The following HAUS2 variants were observed in gnomAD, a reference collection of about 807,000 sequenced individuals.
The protein encoded by HAUS2 is HAUS augmin-like complex subunit 2.
A neutral mutation model predicts 21.6 loss-of-function variants in HAUS2; 20 were observed. The ratio of observed to expected loss-of-function variants is 0.93; its 90% CI spans 0.65 to 1.35. The LOEUF is 1.35. HAUS2 is among the 40% of genes most tolerant of loss of function. The probability of loss-of-function intolerance (pLI) is 0.00; values close to 1 mark genes in which losing one functional copy is unlikely to be tolerated. For missense variants in HAUS2, 297 were observed against 280.7 expected (o/e 1.06, Z -0.42); for synonymous variants, 113 against 95.6 (o/e 1.18, Z -1.06).
Position 42,566,953 on chromosome 15 carries a change from G to T in HAUS2, c.*137G>T. 1 of 528,226 alleles carries T rather than the reference G, an allele frequency of 1.9e-6. No individual in the cohort carries two copies. Among genetic ancestry groups the T allele is most frequent in the Non-Finnish European group, 3.3e-6 (1 of 299,002 alleles). The allele number at this position is 528,226 out of a possible 1,614,324, so 32.7% of individuals were successfully genotyped here. On this transcript the variant is annotated 3_prime_UTR_variant, in exon 6 of 6. Transcript: ENST00000260372. ...TTTATATTGGAGTATCAAGATCTCA[G>T]GTTCATTAAGACCAAACTGACTTTT...
At chr15:42,558,024 G>T (rs547456400) in intron 1 of HAUS2, among the ~76,000 whole-genome samples, 174 bp from the exon 2 acceptor site, 3 of 151,860 alleles carry the variant, frequency 2.0e-5, no homozygotes, top group Non-Finnish European at 4.4e-5. Flanking sequence ...ATTTGTGATG[G>T]TGAAGGTTCT....
At chr15:42,557,612 A>G (rs905409911) in intron 1 of HAUS2, among the ~76,000 whole-genome samples, 1 of 150,720 alleles carries the variant, frequency 6.6e-6, no homozygotes, top group African/African-American at 2.4e-5. Context: ...ATAATACTCA[A>G]TTCTGAGATA....
At position 42,566,702 on chromosome 15, in the gene HAUS2, G is replaced by T. The variant is rs377486127; in HGVS notation, c.594G>T (p.Ser198=). Residue 198 remains serine (S), a synonymous_variant, in exon 6 of 6, where the codon TCG becomes TCT. Transcript: ENST00000260372. The part of the protein sequence containing the change: ...LKWRKQQNEV[S]SCIPKILAEE... ...GGCGTAAACAACAAAACGAAGTTTC[G>T]TCTTGTATCCCCAAAATATTAGCTG... The T allele has an allele frequency of 6.3e-7, 1 of 1,588,256 alleles. No homozygotes were observed. Among genetic ancestry groups the T allele is most frequent in the Non-Finnish European group, 8.6e-7 (1 of 1,156,614 alleles).
At chr15:42,558,784 C>T (rs541045307) in intron 2 of HAUS2, among the ~76,000 whole-genome samples, 51 of 151,910 alleles carry the variant, frequency 3.4e-4, no homozygotes, top group Non-Finnish European at 5.4e-4. Context: ...ACAGGGAGAT[C>T]CCGTCTCTAC....
chr15:42,553,873 A>T (rs2057748377), intron 1 of HAUS2, among the ~76,000 whole-genome samples: 11 of 152,232 alleles, frequency 7.2e-5, no homozygotes, highest in Admixed American at 7.2e-4. Context: ...AAAAAGGGTC[A>T]GCTGATATGA....
At chr15:42,550,629 C>G (rs1416879695) in intron 1 of HAUS2, among the ~76,000 whole-genome samples, 1 of 152,112 alleles carries the variant, frequency 6.6e-6, no homozygotes, top group African/African-American at 2.4e-5. Flanking sequence ...CAGGAGTGAC[C>G]ACAGCACTCT....
In HAUS2 at chr15:42,558,287, C is replaced by A; in HGVS notation, c.183C>A (p.Tyr61Ter). Residue 61 changes from tyrosine (Y) to a stop codon, truncating the protein, a stop_gained, in exon 2 of 6, where the codon TAC (tyrosine) becomes TAA (stop). Transcript: ENST00000260372. LOFTEE classifies it high-confidence loss of function. Reference sequence around the variant, plus strand: ...TCACAAATATTCAAGCTGAAATCTACCAGGTAAATCATTTTGTTTTCACTT... The same window carrying A: ...TCACAAATATTCAAGCTGAAATCTAACAGGTAAATCATTTTGTTTTCACTT... ...QQITNIQAEI[Y>*]QKNLEIELLK... is the part of the protein sequence containing the mutation. 1.8e-6 allele frequency: 2 copies of A among 1,121,310 alleles called. No homozygotes were observed. The highest frequency in any genetic ancestry group is 2.6e-6 in the Non-Finnish European group (2 of 757,770). 69.5% of individuals were successfully genotyped at this position (1,121,310 alleles called of 1,614,324 possible). A position where few individuals can be genotyped will look rare whatever the true frequency, so the allele number is the denominator to read the frequency against.
intron 5 of HAUS2, among the ~76,000 whole-genome samples, chr15:42,565,543 G>A (rs536401549): frequency 1.3e-5 from 2 of 152,190 alleles, no homozygotes; most frequent in African/African-American, 4.8e-5. Context: ...AGTATGGGCA[G>A]AGAGTATCAA....
intron 3 of HAUS2, 106 bp downstream of exon 3, chr15:42,559,514 G>C (rs1372285105): frequency 7.1e-6 from 5 of 702,408 alleles, no homozygotes; most frequent in Non-Finnish European, 1.3e-5. Flanking sequence ...CATTTTTCCA[G>C]GTGTTGTCCC....
chr15:42,564,268 TAAA>T (rs750975585), intron 5 of HAUS2, among the ~76,000 whole-genome samples: 22 of 130,468 alleles, frequency 1.7e-4, no homozygotes, highest in Admixed American at 3.1e-4. Context: ...CATCTCCCAT[TAAA>T]AAAAAAAAAA....
rs952057788 is a variant in HAUS2 at position 42,569,265 on chromosome 15, C to T, written c.*2449C>T. ...CTATTTTGCTTTAAAACATGTACATCAGTTTTGTTTTTTGTTTTGTTCTTT... is the reference window on the plus strand; with the variant it reads ...CTATTTTGCTTTAAAACATGTACATTAGTTTTGTTTTTTGTTTTGTTCTTT... On this transcript the variant is annotated 3_prime_UTR_variant, in exon 6 of 6. Coordinates refer to ENST00000260372, the MANE Select transcript of HAUS2 (RefSeq NM_018097.3). 2.0e-5 allele frequency: 3 copies of T among 148,336 alleles called. No homozygotes were observed. The highest frequency in any genetic ancestry group is 7.4e-5 in the African/African-American group (3 of 40,482). 9.2% of individuals were successfully genotyped at this position (148,336 alleles called of 1,614,324 possible).
At position 42,569,951 on chromosome 15, in the gene HAUS2, C is replaced by A. The variant is rs887991826; in HGVS notation, c.*3135C>A. Reference sequence around the variant, plus strand: ...TTGTTTATTTTTGTTTTCTATTATGCCTTTTTCAAAATATAAAAATAAACT... The same window carrying A: ...TTGTTTATTTTTGTTTTCTATTATGACTTTTTCAAAATATAAAAATAAACT... On this transcript the variant is annotated 3_prime_UTR_variant, in exon 6 of 6. Coordinates refer to ENST00000260372, the MANE Select transcript of HAUS2 (RefSeq NM_018097.3). 6.6e-6 allele frequency: 1 copy of A among 152,134 alleles called. No homozygotes were observed. The highest frequency in any genetic ancestry group is 1.9e-4 in the East Asian group (1 of 5,186). The allele number at this position is 152,134 out of a possible 1,614,324, so 9.4% of individuals were successfully genotyped here.
chr15:42,563,840 G>T lies in HAUS2; in HGVS notation c.481G>T (p.Ala161Ser). Reference protein sequence around the residue: ...ETIRNIPHLAANLKKMNQALA... With the variant: ...ETIRNIPHLASNLKKMNQALA... ...AATTAGAAATATTCCTCATTTAGCT[G>T]CAAATCTAAAGAAAATGGTGAGTAT... The change falls in exon 5 of 6, where the codon GCA becomes TCA. Residue 161 changes from alanine to serine, a missense_variant. Physicochemically the swap from Ala to Ser is moderately conservative, Grantham distance 99. Coordinates refer to ENST00000260372, the MANE Select transcript of HAUS2 (RefSeq NM_018097.3). 1 of 1,496,748 alleles carries T rather than the reference G, an allele frequency of 6.7e-7. No homozygotes were observed. The highest frequency in any genetic ancestry group is 1.7e-4 in the Middle Eastern group (1 of 5,830). 92.7% of individuals were successfully genotyped at this position (1,496,748 alleles called of 1,614,324 possible). A position where few individuals can be genotyped will look rare whatever the true frequency, so the allele number is the denominator to read the frequency against.
At chr15:42,556,122 A>ATTT (rs760982814) in intron 1 of HAUS2, among the ~76,000 whole-genome samples, 3 of 133,562 alleles carry the variant, frequency 2.2e-5, no homozygotes, top group Non-Finnish European at 4.8e-5. Context: ...CGCCTGGCTA[A>ATTT]TTTTTTTTTT....
In HAUS2 at chr15:42,566,638, T is replaced by G; in HGVS notation, c.530T>G (p.Val177Gly). The change falls in exon 6 of 6, where the codon GTG (valine) becomes GGG (glycine). Residue 177 changes from valine (V) to glycine (G), a missense_variant. Physicochemically the swap from Val to Gly is moderately radical, Grantham distance 109. Coordinates refer to ENST00000260372, the MANE Select transcript of HAUS2 (RefSeq NM_018097.3). ...NQALAKMDIL[V>G]TETEELAENI... ...GCTTTAGCAAAGATGGATATATTGG[T>G]GACTGAGACAGAAGAACTGGCAGAG... 11 of 1,608,204 alleles carry G rather than the reference T, an allele frequency of 6.8e-6. No homozygotes were observed. Among genetic ancestry groups the G allele is most frequent in the Non-Finnish European group, 9.4e-6 (11 of 1,174,736 alleles).
chr15:42,550,640 A>G (rs1173073692), intron 1 of HAUS2, among the ~76,000 whole-genome samples: 1 of 152,150 alleles, frequency 6.6e-6, no homozygotes, highest in Non-Finnish European at 1.5e-5. Flanking sequence ...ACAGCACTCT[A>G]CAGTGTAATC....
rs2057824504 is a variant in HAUS2, at chr15:42,559,320, A to T, written c.187-19A>T. 1.4e-6 allele frequency: 2 copies of T among 1,473,454 alleles called. No individual in the cohort carries two copies. Among genetic ancestry groups the T allele is most frequent in the Non-Finnish European group, 1.9e-6 (2 of 1,051,762 alleles). The allele number at this position is 1,473,454 out of a possible 1,614,324, so 91.3% of individuals were successfully genotyped here. A position where few individuals can be genotyped will look rare whatever the true frequency, so the allele number is the denominator to read the frequency against. On this transcript the variant is annotated intron_variant, in intron 2 of 5. Coordinates refer to ENST00000260372, the MANE Select transcript of HAUS2 (RefSeq NM_018097.3). ...ACACTTTCTGATTGAGCTAAATGTT[A>T]CTTTTGTTCCTCATGTAGAAAAACC... is the stretch of plus-strand genomic sequence containing the variant.
At chr15:42,558,420 C>A in intron 2 of HAUS2, 130 bp downstream of exon 2, 1 of 535,682 alleles carries the variant, frequency 1.9e-6, no homozygotes, top group Non-Finnish European at 3.3e-6. Context: ...CTCCGCCTCC[C>A]AGGTTCACGC....
chr15:42,556,850 CAAA>C (rs556250001), intron 1 of HAUS2, among the ~76,000 whole-genome samples: 16,751 of 108,296 alleles, frequency 0.15, 1,053 homozygotes, highest in Non-Finnish European at 0.21. Flanking sequence ...ACTAAAAATA[CAAA>C]AAAAAAAAAA....
Sources: gnomAD v4.1 joint callset for allele counts (sites outside exome capture counted in the v4.1 genomes callset) on GRCh38, gnomAD v4.1.1 for gene constraint, MANE v1.5 for transcripts, NCBI Gene and HGNC (gene_info 2026-07-23, HGNC 2026-07-21) for gene names.